Variants in MTCL1 observed in about 807,000 individuals in gnomAD.
MTCL1 encodes the protein microtubule cross-linking factor 1.
A neutral mutation model predicts 141.4 loss-of-function variants in MTCL1; 79 were observed. That is an observed-to-expected ratio of 0.56 (90% CI 0.47 to 0.67). The LOEUF (loss-of-function observed/expected upper bound fraction) is 0.67, where lower values mean the gene tolerates loss of function less well. Ranked by LOEUF, MTCL1 falls within the 30% of genes least tolerant of loss-of-function variation. MTCL1 has a pLI of 0.00. For synonymous variants in MTCL1, 914 were observed against 875.8 expected, an observed-to-expected ratio of 1.04 and a Z score of -0.77; for missense variants, 2,177 against 2,113.9, an observed-to-expected ratio of 1.03 and a Z score of -0.59.
intron 10 of MTCL1, among the ~76,000 whole-genome samples, chr18:8,801,399 T>C (rs1232513336): frequency 6.6e-6 from 1 of 152,140 alleles, no homozygotes; most frequent in Non-Finnish European, 1.5e-5. Context: ...GATTCATTCT[T>C]CAGTTTATCC....
upstream of MTCL1, among the ~76,000 whole-genome samples, chr18:8,713,344 T>G (rs1349008661): frequency 6.6e-6 from 1 of 152,268 alleles, no homozygotes; most frequent in Non-Finnish European, 1.5e-5. Context: ...CAGCTTTTTC[T>G]TATTTCCGTG....
chr18:8,746,157 G>A (rs528155509), intron 4 of MTCL1, among the ~76,000 whole-genome samples: 2 of 152,144 alleles, frequency 1.3e-5, no homozygotes, highest in South Asian at 4.2e-4. Flanking sequence ...CACTTAGGTT[G>A]CCCTCACCTA....
In MTCL1 at chr18:8,796,473, T is replaced by C; in HGVS notation, c.2241+11T>C. The C allele has an allele frequency of 6.2e-7, 1 of 1,613,600 alleles. No individual in the cohort carries two copies. On this transcript the variant is annotated intron_variant, in intron 9 of 16. Transcript: ENST00000359865. ...GAGGAGTTCACTGAGGTAACTCCAC[T>C]GTCGAATTCCTTTTATTTGCATCTG...
At chr18:8,800,754 TG>T (rs1303530913) in intron 10 of MTCL1, 2 of 152,244 alleles carry the variant, frequency 1.3e-5, no homozygotes, top group Non-Finnish European at 2.9e-5. Flanking sequence ...TAGTAATTCC[TG>T]GAATCCAGCT....
intron 4 of MTCL1, among the ~76,000 whole-genome samples, chr18:8,727,857 TCTC>T (rs1395842321): frequency 1.4e-5 from 2 of 147,608 alleles, no homozygotes; most frequent in African/African-American, 5.3e-5. Flanking sequence ...GCTCCTTCTC[TCTC>T]TCTCTCTCTC....
exon 1 of MTCL1, chr18:8,706,278 G>T: frequency 2.4e-6 from 3 of 1,229,244 alleles, no homozygotes; most frequent in Non-Finnish European, 2.0e-6. Flanking sequence ...TCAGCCACAC[G>T]GACAGCAGCT....
At chr18:8,807,172 A>T (rs2076329230) in intron 11 of MTCL1, 112 bp downstream of exon 10, 8 of 1,142,614 alleles carry the variant, frequency 7.0e-6, no homozygotes, top group Non-Finnish European at 9.7e-6. Context: ...CTTGTCCAGG[A>T]AAAAAAGAGA....
chr18:8,725,621 GTGT>G (rs2096203193), intron 4 of MTCL1, among the ~76,000 whole-genome samples: 1 of 151,996 alleles, frequency 6.6e-6, no homozygotes, highest in Non-Finnish European at 1.5e-5. Flanking sequence ...GTTCATTAGT[GTGT>G]TGTTGCAATT....
intron 4 of MTCL1, among the ~76,000 whole-genome samples, chr18:8,725,956 A>AT (rs1344665462): frequency 6.6e-6 from 1 of 150,878 alleles, no homozygotes; most frequent in Non-Finnish European, 1.5e-5. Flanking sequence ...CGCCCGGCTA[A>AT]TTTTTTTTGC....
At chr18:8,827,715 G>A (rs1287252244) in intron 15 of MTCL1, among the ~76,000 whole-genome samples, 2 of 152,144 alleles carry the variant, frequency 1.3e-5, no homozygotes, top group African/African-American at 2.4e-5. Flanking sequence ...AGCATTAACC[G>A]GCTGTGTCTG....
At position 8,710,888 on chromosome 18, in the gene MTCL1, C is replaced by CTTT. The variant is rs71356255; in HGVS notation, c.1053+4186_1053+4188dup. ...GTTTTCTTTTTTCTTTTTTTTTTTA[C>CTTT]TTTTTTTTTTTTTATTATACTTTAA... is the stretch of plus-strand genomic sequence containing the variant. On this transcript the variant is annotated intron_variant, in intron 1 of 13. Transcript: ENST00000306329. Among the ~76,000 whole-genome samples, 190 of 80,926 alleles carry CTTT rather than the reference C, an allele frequency of 2.3e-3. 3 individuals are homozygous for CTTT. Among genetic ancestry groups the CTTT allele is most frequent in the African/African-American group, 7.6e-3 (146 of 19,288 alleles). 53.1% of individuals were successfully genotyped at this position (80,926 alleles called of 152,430 possible).
chr18:8,741,682 G>A (rs2096304091), intron 4 of MTCL1, among the ~76,000 whole-genome samples: 1 of 152,206 alleles, frequency 6.6e-6, no homozygotes, highest in Non-Finnish European at 1.5e-5. Flanking sequence ...AAGCAGCACA[G>A]ACTCGCAAAT....
chr18:8,747,896 A>G (rs1821308903), intron 4 of MTCL1, among the ~76,000 whole-genome samples: 3 of 152,122 alleles, frequency 2.0e-5, no homozygotes, highest in Admixed American at 6.5e-5. Flanking sequence ...AGCCCTGCAC[A>G]GGCTCCTGTC....
At chr18:8,825,560 G>A in exon 15 of MTCL1, 1 of 1,613,106 alleles carries the variant, frequency 6.2e-7, no homozygotes, top group Non-Finnish European at 8.5e-7. Flanking sequence ...TCACTCCAAA[G>A]GCTGGGGGCG....
intron 8 of MTCL1, among the ~76,000 whole-genome samples, chr18:8,794,090 C>G (rs972236375): frequency 7.9e-5 from 12 of 152,312 alleles, no homozygotes; most frequent in African/African-American, 2.9e-4. Context: ...TTAAGTGTTT[C>G]ATTTAGGGGT....
At chr18:8,781,109 G>A (rs573432470) in intron 5 of MTCL1, among the ~76,000 whole-genome samples, 8 of 146,746 alleles carry the variant, frequency 5.5e-5, no homozygotes, top group African/African-American at 1.0e-4. Flanking sequence ...AGGAGGCAGC[G>A]GTTACAGTGA....
chr18:8,764,896 A>G (rs1379404224), intron 4 of MTCL1, among the ~76,000 whole-genome samples: 1 of 152,256 alleles, frequency 6.6e-6, no homozygotes, highest in East Asian at 1.9e-4. Flanking sequence ...ACCAGTTAAA[A>G]TTACACAGTT....
At chr18:8,802,643 A>G (rs547485983) in intron 10 of MTCL1, among the ~76,000 whole-genome samples, 1 of 152,360 alleles carries the variant, frequency 6.6e-6, no homozygotes, top group African/African-American at 2.4e-5. Context: ...TGGACCAAAG[A>G]CCAATTCTGA....
chr18:8,818,331 C>CT (rs2076728695), intron 12 of MTCL1, among the ~76,000 whole-genome samples: 2 of 151,996 alleles, frequency 1.3e-5, no homozygotes, highest in Admixed American at 6.6e-5. Flanking sequence ...AAGTATGACT[C>CT]TAACGTAATG....
Sources: gnomAD v4.1 joint callset for allele counts (sites outside exome capture counted in the v4.1 genomes callset) on GRCh38, gnomAD v4.1.1 for gene constraint, MANE v1.5 for transcripts, NCBI Gene and HGNC (gene_info 2026-07-23, HGNC 2026-07-21) for gene names.